PALD1: variants seen among roughly 807,000 people sequenced by gnomAD.
PALD1 encodes the protein phosphatase domain containing paladin 1.
Under a neutral mutation model 96.0 loss-of-function variants are expected in PALD1, and 57 were observed. The observed-to-expected ratio is 0.59, with a 90% CI of 0.48 to 0.74. PALD1 has a LOEUF of 0.74. Ranked by LOEUF, PALD1 falls within the 30% of genes least tolerant of loss-of-function variation. PALD1 has a pLI of 0.00. For missense variants in PALD1, 1,063 were observed against 1,143.7 expected (o/e 0.93, Z 1.02); for synonymous variants, 464 against 473.6 (o/e 0.98, Z 0.26).
rs748986327 is a variant in PALD1 at position 70,534,833 on chromosome 10, G to A, written c.1217G>A (p.Ser406Asn). ...QKKLEGIRPE[S>N]PAQGSGSRHS... ...AAGTTAGAAGGTATCCGACCGGAGA[G>A]CCCAGCCCAGGTGAGGCATGGAAGG... Residue 406 changes from serine to asparagine, a missense_variant, in exon 10 of 20, where the codon AGC becomes AAC. Physicochemically the swap from Ser to Asn is conservative, Grantham distance 46. Coordinates refer to ENST00000263563, the MANE Select transcript of PALD1 (RefSeq NM_014431.3). 1.2e-5 allele frequency: 20 copies of A among 1,608,882 alleles called. No individual in the cohort carries two copies. The highest frequency in any genetic ancestry group is 1.6e-5 in the Non-Finnish European group (19 of 1,176,612).
intron 1 of PALD1, among the ~76,000 whole-genome samples, chr10:70,493,642 C>T (rs554427407): frequency 6.6e-6 from 1 of 152,322 alleles, no homozygotes; most frequent in African/African-American, 2.4e-5. Flanking sequence ...TTGGTGGCAA[C>T]CCCATGCTTC....
rs745311941 is a variant in PALD1 at position 70,539,028 on chromosome 10, T to C, written c.1569+20T>C. On this transcript the variant is annotated intron_variant, in intron 13 of 19. Coordinates refer to ENST00000263563, the MANE Select transcript of PALD1 (RefSeq NM_014431.3). The surrounding 1 kb of genome is among the most constrained non-coding windows in gnomAD (Gnocchi z 4.5). ...GCCAAGGTGACCGGCCCTCAGGGCCTGGGTCCCCCAGTGGGTTTGGGGAGG... is the reference window on the plus strand; with the variant it reads ...GCCAAGGTGACCGGCCCTCAGGGCCCGGGTCCCCCAGTGGGTTTGGGGAGG... The C allele has an allele frequency of 4.3e-6, 7 of 1,613,356 alleles. No homozygotes were observed. Among genetic ancestry groups the C allele is most frequent in the African/African-American group, 1.3e-5 (1 of 74,926 alleles).
At chr10:70,565,396 GGCCTGTAATTACTCCTCT>G (rs1258321606) in intron 19 of PALD1, among the ~76,000 whole-genome samples, 1 of 152,178 alleles carries the variant, frequency 6.6e-6, no homozygotes, top group Non-Finnish European at 1.5e-5. Flanking sequence ...TTGGCAAAGC[GGCCTGTAATTACTCCTCT>G]GCCAGGAAGC....
intron 18 of PALD1, among the ~76,000 whole-genome samples, chr10:70,553,751 T>C (rs10999388): frequency 0.53 from 80,774 of 151,810 alleles, 22,091 homozygotes; most frequent in Middle Eastern, 0.65. Context: ...ACATGGCCTC[T>C]CAAGCGGGCG....
At chr10:70,542,134 CT>C (rs1847262703) in intron 17 of PALD1, among the ~76,000 whole-genome samples, 1 of 152,358 alleles carries the variant, frequency 6.6e-6, no homozygotes, top group African/African-American at 2.4e-5. Context: ...TGCCCCTCCC[CT>C]GCCCTCGCCC....
At chr10:70,549,639 G>A (rs1017865814) in intron 18 of PALD1, among the ~76,000 whole-genome samples, 1 of 152,266 alleles carries the variant, frequency 6.6e-6, no homozygotes, top group Non-Finnish European at 1.5e-5. Context: ...GGTGCAAAAC[G>A]AGTTTAGAGG....
chr10:70,497,876 T>C (rs1846223529), intron 1 of PALD1, among the ~76,000 whole-genome samples: 2 of 152,286 alleles, frequency 1.3e-5, no homozygotes, highest in South Asian at 2.1e-4. Flanking sequence ...GCCTGGCCTA[T>C]TAAAAACATT....
At chr10:70,474,853 C>T (rs529826318), upstream of PALD1, among the ~76,000 whole-genome samples, 2 of 152,248 alleles carry the variant, frequency 1.3e-5, no homozygotes, top group South Asian at 4.1e-4. Flanking sequence ...GTCCCAGGGC[C>T]TGGCAGGGAA....
chr10:70,498,654 C>T (rs542016010), intron 1 of PALD1, among the ~76,000 whole-genome samples: 10 of 151,664 alleles, frequency 6.6e-5, no homozygotes, highest in South Asian at 4.2e-4. Context: ...AGACTGGGCG[C>T]GGTGGCTCAC....
At chr10:70,503,871 C>T (rs939171937) in intron 1 of PALD1, among the ~76,000 whole-genome samples, 2 of 152,212 alleles carry the variant, frequency 1.3e-5, no homozygotes, top group Non-Finnish European at 2.9e-5. Flanking sequence ...TCTCTTCTTT[C>T]ATGTCTGTGG....
At chr10:70,507,586 T>A (rs1846416094) in intron 1 of PALD1, among the ~76,000 whole-genome samples, 1 of 152,160 alleles carries the variant, frequency 6.6e-6, no homozygotes, top group African/African-American at 2.4e-5. Flanking sequence ...CTTGCCTGGC[T>A]AATTTTTGTA....
rs1479528555 is a variant in PALD1 at position 70,529,382 on chromosome 10, C to G, written c.288+51C>G. On this transcript the variant is annotated intron_variant, in intron 3 of 19. Transcript: ENST00000263563. ...CCCGCCTGCTGCCTCCCACCCCTAT[C>G]TCTCATGAATTCCCTCCCTCACCTC... is the stretch of plus-strand genomic sequence containing the variant. 4 of 861,264 alleles carry G rather than the reference C, an allele frequency of 4.6e-6. No individual in the cohort carries two copies. The African/African-American group carries it at 6.5e-5, about 14-fold the overall frequency. The allele number at this position is 861,264 out of a possible 1,614,324, so 53.4% of individuals were successfully genotyped here.
intron 7 of PALD1, among the ~76,000 whole-genome samples, chr10:70,533,629 C>G (rs1222522748): frequency 2.0e-5 from 3 of 152,234 alleles, no homozygotes; most frequent in Non-Finnish European, 2.9e-5. Flanking sequence ...CTCCAGCCCC[C>G]TTCAGGGCAT....
chr10:70,560,588 C>A (rs1023771582), intron 18 of PALD1, among the ~76,000 whole-genome samples: 2 of 151,856 alleles, frequency 1.3e-5, no homozygotes, highest in Non-Finnish European at 2.9e-5. Context: ...ACTCAGTAGA[C>A]CCTGACGCAC....
upstream of PALD1, among the ~76,000 whole-genome samples, chr10:70,475,380 C>T (rs116705770): frequency 6.6e-6 from 1 of 152,130 alleles, no homozygotes; most frequent in East Asian, 1.9e-4. Flanking sequence ...ATGAGTTTGC[C>T]TGAGGCTCAG....
intron 4 of PALD1, 81 bp downstream of exon 4, chr10:70,530,149 G>A (rs763297834): frequency 1.1e-4 from 127 of 1,171,912 alleles, no homozygotes; most frequent in Middle Eastern, 4.6e-4. Flanking sequence ...CTTTAGAGGC[G>A]CTGGAGGGGC....
chr10:70,524,205 G>A (rs1330648358), intron 1 of PALD1, among the ~76,000 whole-genome samples: 1 of 152,172 alleles, frequency 6.6e-6, no homozygotes, highest in Non-Finnish European at 1.5e-5. Context: ...TATTGTCCTG[G>A]TGCTTCTGCA....
At chr10:70,547,254 C>A in intron 17 of PALD1, 52 bp from the exon 18 acceptor site, 13 of 1,579,248 alleles carry the variant, frequency 8.2e-6, no homozygotes, top group Non-Finnish European at 1.1e-5. Context: ...GGTGCTTGGG[C>A]TGAGGGCTCT....
chr10:70,468,222 G>T, the PALD1 span, among the ~76,000 whole-genome samples: 1 of 152,128 alleles, frequency 6.6e-6, no homozygotes, highest in South Asian at 2.1e-4. Context: ...GTCTTACTGG[G>T]AAGAAGGCAG....
Sources: allele counts gnomAD v4.1 joint callset (sites outside exome capture counted in the v4.1 genomes callset), GRCh38; gene constraint gnomAD v4.1.1; non-coding constraint Gnocchi (gnomAD v3.1); transcripts MANE v1.5; gene names NCBI Gene and HGNC (gene_info 2026-07-23, HGNC 2026-07-21).